Variants in ZMYM2 observed in about 807,000 individuals in gnomAD.
The protein encoded by ZMYM2 is zinc finger MYM-type protein 2.
A neutral mutation model predicts 162.8 loss-of-function variants in ZMYM2; 56 were observed. That is an observed-to-expected ratio of 0.34 (90% CI 0.28 to 0.43). ZMYM2 has a LOEUF of 0.43. Ranked by LOEUF, ZMYM2 falls within the 20% of genes least tolerant of loss-of-function variation. ZMYM2 has a pLI of 1.00. For missense variants in ZMYM2, 1,275 were observed against 1,621.8 expected (o/e 0.79, Z 3.67); for synonymous variants, 510 against 541.6 (o/e 0.94, Z 0.81).
chr13:19,878,728 G>A, the ZMYM2 span, among the ~76,000 whole-genome samples: 4 of 151,998 alleles, frequency 2.6e-5, no homozygotes, highest in Non-Finnish European at 5.9e-5. Flanking sequence ...CACCATGTTG[G>A]TCAGGCTGGT....
the ZMYM2 span, among the ~76,000 whole-genome samples, chr13:19,949,458 G>A: frequency 2.6e-5 from 4 of 152,172 alleles, no homozygotes; most frequent in South Asian, 8.3e-4. Context: ...GCTGGATGTG[G>A]TGACAGGTAC....
chr13:19,920,746 GTATGTA>G, the ZMYM2 span, among the ~76,000 whole-genome samples: 1 of 54,772 alleles, frequency 1.8e-5, no homozygotes, highest in Non-Finnish European at 4.0e-5. Flanking sequence ...GTGTATGTAT[GTATGTA>G]TGTATGTATG....
intron 7 of ZMYM2, chr13:20,025,198 A>C (rs1952466969): frequency 9.9e-6 from 2 of 202,364 alleles, no homozygotes; most frequent in East Asian, 1.5e-4. Context: ...AACATTTCGA[A>C]GCCTTCTTAT....
chr13:19,959,065 G>C (rs1954837399), intron 1 of ZMYM2, among the ~76,000 whole-genome samples: 1 of 151,630 alleles, frequency 6.6e-6, no homozygotes, highest in African/African-American at 2.4e-5. Context: ...TCGGGGCTGC[G>C]CTCATGTCAC....
chr13:19,919,666 T>C, the ZMYM2 span, among the ~76,000 whole-genome samples: 1 of 115,038 alleles, frequency 8.7e-6, no homozygotes, highest in African/African-American at 3.1e-5. Flanking sequence ...TCTTTATATG[T>C]TTTTTTTCTT....
intron 8 of ZMYM2, 97 bp from the exon 9 acceptor site, chr13:20,027,106 A>AT: frequency 1.2e-6 from 1 of 837,100 alleles, no homozygotes; most frequent in Non-Finnish European, 1.8e-6. Flanking sequence ...ATAATAGTTT[A>AT]TTTTTTAACA....
At chr13:20,013,047 G>T (rs1480731459) in intron 6 of ZMYM2, among the ~76,000 whole-genome samples, 1 of 152,190 alleles carries the variant, frequency 6.6e-6, no homozygotes, top group Non-Finnish European at 1.5e-5. Flanking sequence ...GCTTTGGGTA[G>T]TATTGACATC....
chr13:20,031,551 A>AT (rs533544542), intron 10 of ZMYM2, 116 bp downstream of exon 10: 810 of 650,724 alleles, frequency 1.2e-3, no homozygotes, highest in South Asian at 1.4e-3. Flanking sequence ...TGCTTTTCAG[A>AT]TTTTTTTTTA....
intron 2 of ZMYM2, among the ~76,000 whole-genome samples, chr13:19,983,270 G>C (rs1480902396): frequency 1.3e-5 from 2 of 151,762 alleles, no homozygotes; most frequent in Non-Finnish European, 2.9e-5. Flanking sequence ...TCAGCCTCCG[G>C]AGTAGCTGGA....
intron 2 of ZMYM2, among the ~76,000 whole-genome samples, chr13:19,962,863 C>T (rs559255723): frequency 1.3e-4 from 17 of 129,934 alleles, no homozygotes; most frequent in South Asian, 4.9e-4. Context: ...TCTCTGTCAT[C>T]CAGGCTGGAG....
rs368935953 is a variant in ZMYM2, at chr13:20,086,761, A to ATG, written c.*757_*758dup. 0.11 allele frequency: 12,519 copies of ATG among 115,796 alleles called. 677 individuals carry two copies. Among genetic ancestry groups the ATG allele is most frequent in the Middle Eastern group, 0.17 (42 of 242 alleles). The allele number at this position is 115,796 out of a possible 1,614,324, so 7.2% of individuals were successfully genotyped here. ...TATATATATGTATATATATGTATGT[A>ATG]TGTGTGTGTGTATATATATATATAT... On this transcript the variant is annotated 3_prime_UTR_variant, in exon 25 of 25. Transcript: ENST00000610343.
At chr13:20,079,040 G>A (rs1957718843) in intron 21 of ZMYM2, among the ~76,000 whole-genome samples, 2 of 151,060 alleles carry the variant, frequency 1.3e-5, no homozygotes, top group African/African-American at 4.9e-5. Context: ...ACTTTTATTG[G>A]CTGGGCGCGG....
chr13:20,070,876 A>G (rs530049403), intron 21 of ZMYM2: 4 of 152,872 alleles, frequency 2.6e-5, no homozygotes, highest in Non-Finnish European at 4.4e-5. Context: ...CTGCATCATA[A>G]TGGAGCAAGT....
At chr13:19,979,685 T>C (rs1456574156) in intron 2 of ZMYM2, among the ~76,000 whole-genome samples, 3 of 152,188 alleles carry the variant, frequency 2.0e-5, no homozygotes, top group Non-Finnish European at 1.5e-5. Flanking sequence ...TGGTAAAAGT[T>C]CCTATCAGCC....
chr13:19,962,698 A>AT (rs1566160142), intron 2 of ZMYM2, among the ~76,000 whole-genome samples: 1 of 149,918 alleles, frequency 6.7e-6, no homozygotes, highest in East Asian at 2.0e-4. Flanking sequence ...CCAATTTTGT[A>AT]TTTTTAGTAG....
At chr13:20,069,208 GA>G (rs1214823181) in intron 21 of ZMYM2, among the ~76,000 whole-genome samples, 1 of 152,008 alleles carries the variant, frequency 6.6e-6, no homozygotes, top group African/African-American at 2.4e-5. Flanking sequence ...TGTCACCTAT[GA>G]ATAAGGACAG....
At chr13:19,957,823 G>T (rs891632524), upstream of ZMYM2, among the ~76,000 whole-genome samples, 9 of 152,202 alleles carry the variant, frequency 5.9e-5, no homozygotes, top group Non-Finnish European at 1.0e-4. Context: ...GGAGCCCGCA[G>T]CTCCCTCCAT....
At chr13:19,986,977 T>C (rs919165516) in intron 2 of ZMYM2, among the ~76,000 whole-genome samples, 1 of 151,624 alleles carries the variant, frequency 6.6e-6, no homozygotes, top group Non-Finnish European at 1.5e-5. Flanking sequence ...TGGTGGCTCA[T>C]GCCTGTAATC....
chr13:19,991,123 G>A (rs954028027), intron 2 of ZMYM2, among the ~76,000 whole-genome samples: 5 of 149,454 alleles, frequency 3.3e-5, no homozygotes, highest in Non-Finnish European at 5.9e-5. Context: ...GTACGTATGT[G>A]TTTTCTTTTG....
Sources: allele counts gnomAD v4.1 joint callset (sites outside exome capture counted in the v4.1 genomes callset), GRCh38; gene constraint gnomAD v4.1.1; transcripts MANE v1.5; gene names NCBI Gene and HGNC (gene_info 2026-07-23, HGNC 2026-07-21).